Variants in KIF4A observed in about 807,000 individuals in gnomAD.
KIF4A encodes the protein kinesin family member 4A.
In KIF4A, 7 loss-of-function variants were observed where a neutral mutation model predicts 105.9. The ratio of observed to expected loss-of-function variants is 0.07; its 90% CI spans 0.04 to 0.12. KIF4A has a LOEUF of 0.12. Among genes scored for constraint, KIF4A ranks in the 10% least tolerant of loss-of-function variants. KIF4A has a pLI of 1.00. For missense variants in KIF4A, 558 were observed against 929.2 expected (o/e 0.60, Z 5.19); for synonymous variants, 281 against 331.3 (o/e 0.85, Z 1.65).
At chrX:70,402,091 C>T (rs968430870) in intron 22 of KIF4A, among the ~76,000 whole-genome samples, 2 of 111,523 alleles carry the variant, frequency 1.8e-5, no homozygotes, top group African/African-American at 3.3e-5. Flanking sequence ...TCAAGATAAC[C>T]TCTCACAATG....
intron 24 of KIF4A, 26 bp from the exon 25 acceptor site, chrX:70,404,676 TACCTTTGTTACCA>T: frequency 9.7e-7 from 1 of 1,031,702 alleles, no homozygotes; most frequent in Non-Finnish European, 1.3e-6. Flanking sequence ...TTCCCCTTGG[TACCTTTGTTACCA>T]CCCATTGGAT....
chrX:70,386,006 G>GC (rs1201001376), intron 18 of KIF4A, among the ~76,000 whole-genome samples: 1 of 110,826 alleles, frequency 9.0e-6, no homozygotes, highest in Non-Finnish European at 1.9e-5. Context: ...TTCAGCTCTT[G>GC]CCCCCCTTTC....
chrX:70,320,799 A>G (rs57009360), intron 7 of KIF4A, among the ~76,000 whole-genome samples: 1,830 of 111,594 alleles, frequency 0.016, 37 homozygotes, highest in African/African-American at 0.056. Context: ...GCATTGTACT[A>G]TACATTTCAA....
intron 15 of KIF4A, among the ~76,000 whole-genome samples, chrX:70,357,159 A>G: frequency 9.0e-6 from 1 of 111,023 alleles, no homozygotes; most frequent in Non-Finnish European, 1.9e-5. Flanking sequence ...CTAAAAATAC[A>G]AAAAATTAGC....
intron 14 of KIF4A, 54 bp downstream of exon 14, chrX:70,352,710 T>G: frequency 1.2e-6 from 1 of 821,297 alleles, no homozygotes. Context: ...CCGTTTCCTA[T>G]AATTTATCAC....
At chrX:70,343,797 A>G in intron 12 of KIF4A, 36 bp downstream of exon 12, 2 of 1,193,861 alleles carry the variant, frequency 1.7e-6, no homozygotes, top group Non-Finnish European at 1.1e-6. Flanking sequence ...AGCAACCTAT[A>G]GCATCTTAGT....
intron 7 of KIF4A, among the ~76,000 whole-genome samples, chrX:70,306,839 C>A (rs1381456956): frequency 7.3e-5 from 8 of 109,466 alleles, no homozygotes; most frequent in Non-Finnish European, 7.6e-5. Context: ...CCGTGCCCGG[C>A]CTCTTTTTTT....
intron 29 of KIF4A, 101 bp downstream of exon 29, chrX:70,418,105 A>G: frequency 8.2e-6 from 5 of 609,918 alleles, no homozygotes; most frequent in Non-Finnish European, 1.3e-5. Context: ...TCTCCTGCAC[A>G]GCTCTTCCAA....
intron 15 of KIF4A, among the ~76,000 whole-genome samples, chrX:70,367,157 A>G (rs1288005457): frequency 9.0e-6 from 1 of 111,051 alleles, no homozygotes; most frequent in Non-Finnish European, 1.9e-5. Context: ...TGCACGTGAG[A>G]TGGGTTTCCT....
intron 28 of KIF4A, among the ~76,000 whole-genome samples, chrX:70,407,869 A>T (rs1442349707): frequency 1.8e-5 from 2 of 111,638 alleles, no homozygotes; most frequent in Non-Finnish European, 3.8e-5. Flanking sequence ...GGAGTTCGAG[A>T]CCAGCCTGAC....
intron 19 of KIF4A, among the ~76,000 whole-genome samples, 178 bp downstream of exon 19, chrX:70,386,879 G>A (rs1326428588): frequency 1.8e-5 from 2 of 111,958 alleles, no homozygotes; most frequent in Non-Finnish European, 3.8e-5. Flanking sequence ...AAAACTTGAT[G>A]AAAAATGGTA....
intron 5 of KIF4A, among the ~76,000 whole-genome samples, chrX:70,300,058 T>C (rs1391374870): frequency 9.0e-6 from 1 of 111,558 alleles, no homozygotes; most frequent in Non-Finnish European, 1.9e-5. Flanking sequence ...TCTGGAAAAC[T>C]TGGAATAATA....
intron 15 of KIF4A, among the ~76,000 whole-genome samples, chrX:70,354,182 T>C (rs1225619216): frequency 8.8e-6 from 1 of 113,002 alleles, no homozygotes; most frequent in Non-Finnish European, 1.9e-5. Flanking sequence ...GGATGTCACA[T>C]GACTTGACAA....
At chrX:70,400,243 A>G (rs1391489912) in intron 22 of KIF4A, among the ~76,000 whole-genome samples, 2 of 106,268 alleles carry the variant, frequency 1.9e-5, no homozygotes, top group African/African-American at 6.9e-5. Flanking sequence ...TCATTGTTCA[A>G]TTCCCACCTA....
At chrX:70,390,045 T>A (rs2147731239) in intron 20 of KIF4A, among the ~76,000 whole-genome samples, 1 of 112,197 alleles carries the variant, frequency 8.9e-6, no homozygotes, top group African/African-American at 3.2e-5. Context: ...CTCAGCAACA[T>A]TTTAGTTTTT....
chrX:70,401,815 A>G (rs924120747), intron 22 of KIF4A, among the ~76,000 whole-genome samples: 13 of 111,863 alleles, frequency 1.2e-4, no homozygotes, highest in Non-Finnish European at 2.4e-4. Flanking sequence ...GGGTCCTGAA[A>G]CCCCAAAATT....
At chrX:70,338,022 C>T (rs930522138) in intron 10 of KIF4A, among the ~76,000 whole-genome samples, 2 of 111,590 alleles carry the variant, frequency 1.8e-5, no homozygotes, top group East Asian at 2.8e-4. Flanking sequence ...GTGTGTGTTA[C>T]AGATAATTTC....
chrX:70,374,129 C>G (rs1224114903), intron 15 of KIF4A, 22 bp from the exon 16 acceptor site: 3 of 993,294 alleles, frequency 3.0e-6, no homozygotes, highest in Non-Finnish European at 4.2e-6. Context: ...TCTTCTTTCT[C>G]TTTGACCTAT....
chrX:70,353,583 T>C, intron 14 of KIF4A, 39 bp from the exon 15 acceptor site: 1 of 1,159,310 alleles, frequency 8.6e-7, no homozygotes, highest in Non-Finnish European at 1.2e-6. Context: ...CTCCATTTGC[T>C]TGTTTCTCTT....
Sources: gnomAD v4.1 joint callset for allele counts (sites outside exome capture counted in the v4.1 genomes callset) on GRCh38, gnomAD v4.1.1 for gene constraint, MANE v1.5 for transcripts, NCBI Gene and HGNC (gene_info 2026-07-23, HGNC 2026-07-21) for gene names.